Variants in GHRHR observed in about 807,000 individuals in gnomAD.
GHRHR encodes the protein growth hormone releasing hormone receptor, also known as growth hormone-releasing hormone receptor.
A neutral mutation model predicts 58.3 loss-of-function variants in GHRHR; 40 were observed. The observed-to-expected ratio is 0.69, with a 90% confidence interval of 0.53 to 0.89. The LOEUF (loss-of-function observed/expected upper bound fraction) is 0.89. Among genes scored for constraint, GHRHR ranks in the 40% least tolerant of loss-of-function variants. The pLI is 0.00. For synonymous variants in GHRHR, 249 were observed against 216.6 expected, an observed-to-expected ratio of 1.15 and a Z score of -1.31; for missense variants, 551 against 541.3, an observed-to-expected ratio of 1.02 and a Z score of -0.18.
intron 6 of GHRHR, among the ~76,000 whole-genome samples, chr7:30,972,581 G>A (rs914028591): frequency 2.6e-5 from 4 of 152,162 alleles, no homozygotes; most frequent in African/African-American, 9.7e-5. Flanking sequence ...AGCTGTATTG[G>A]CAGCAACAAT....
At chr7:30,969,192 G>A (rs745628562) in intron 3 of GHRHR, 22 bp downstream of exon 3, 18 of 1,428,730 alleles carry the variant, frequency 1.3e-5, no homozygotes, top group Middle Eastern at 1.9e-4. Flanking sequence ...TGGGTGTGGC[G>A]GTGGGAAAGG....
intron 1 of GHRHR, among the ~76,000 whole-genome samples, chr7:30,968,393 G>A (rs1271610279): frequency 6.6e-6 from 1 of 152,078 alleles, no homozygotes; most frequent in Non-Finnish European, 1.5e-5. Context: ...GAAGCATATT[G>A]TCTAATGTGT....
intron 3 of GHRHR, chr7:30,969,646 T>A: frequency 3.2e-6 from 2 of 626,522 alleles, no homozygotes; most frequent in South Asian, 3.8e-5. Flanking sequence ...TAATCCTCTT[T>A]GTGAAGAGAT....
chr7:30,977,679 A>G (rs1037677296), intron 12 of GHRHR, among the ~76,000 whole-genome samples: 1 of 152,156 alleles, frequency 6.6e-6, no homozygotes, highest in South Asian at 2.1e-4. Flanking sequence ...GGGGTACGCC[A>G]GCTGAGGGAG....
At position 30,976,470 on chromosome 7, in the gene GHRHR, G is replaced by A; in HGVS notation, c.1016G>A (p.Gly339Glu). 6.2e-7 allele frequency: 1 copy of A among 1,613,394 alleles called. No homozygotes were observed. Among genetic ancestry groups the A allele is most frequent in the Non-Finnish European group, 8.5e-7 (1 of 1,179,432 alleles). Residue 339 changes from glycine (G) to glutamate (E), a missense_variant, in exon 11 of 13, where the codon GGA (glycine) becomes GAA (glutamate). Coordinates refer to ENST00000326139, the MANE Select transcript of GHRHR (RefSeq NM_000823.4). ...KSTLFLIPLFGIHYIIFNFLP... is the reference protein window; with the variant it reads ...KSTLFLIPLFEIHYIIFNFLP... ...ACACTTTTCCTGATCCCACTCTTTG[G>A]AATTCACTACATCATCTTCAACTTC...
Position 30,979,441 on chromosome 7 carries a change from C to T in GHRHR, c.*197C>T. 1 of 587,046 alleles carries T rather than the reference C, an allele frequency of 1.7e-6. No homozygotes were observed. Among genetic ancestry groups the T allele is most frequent in the South Asian group, 1.7e-5 (1 of 57,426 alleles). 36.4% of individuals were successfully genotyped at this position (587,046 alleles called of 1,614,324 possible). On this transcript the variant is annotated 3_prime_UTR_variant, in exon 13 of 13. Coordinates refer to ENST00000326139, the MANE Select transcript of GHRHR (RefSeq NM_000823.4). ...TATGTCTACCTCTGACTTCTGTGGT[C>T]CCTCTGTGTCTGCTCTCATCCATTC...
chr7:30,969,687 C>T, intron 3 of GHRHR, 180 bp from the exon 4 acceptor site: 1 of 695,586 alleles, frequency 1.4e-6, no homozygotes. Flanking sequence ...AGGAAGGCCC[C>T]ATAGTGTGTC....
chr7:30,966,134 TG>T lies in GHRHR; in HGVS notation c.57+2014del, dbSNP rs927845576. ...ACTTCTCCTGCCAGGGTAGCACTGGTGGGGGTGACCCTCCTTACTGGGCTGG... is the reference window on the plus strand; with the variant it reads ...ACTTCTCCTGCCAGGGTAGCACTGGTGGGGTGACCCTCCTTACTGGGCTGG... On this transcript the variant is annotated intron_variant, in intron 1 of 12. Transcript: ENST00000326139. Among the ~76,000 whole-genome samples, 185 of 152,246 alleles carry T rather than the reference TG, an allele frequency of 1.2e-3. 2 individuals are homozygous for T. Among genetic ancestry groups the T allele is most frequent in the Non-Finnish European group, 3.2e-4 (22 of 67,998 alleles).
chr7:30,967,538 T>C (rs545044821), intron 1 of GHRHR, among the ~76,000 whole-genome samples: 1 of 152,110 alleles, frequency 6.6e-6, no homozygotes, highest in African/African-American at 2.4e-5. Flanking sequence ...AAGCCACACA[T>C]CCATCCTTAC....
intron 7 of GHRHR, 77 bp downstream of exon 7, chr7:30,974,215 C>T (rs1792533049): frequency 2.8e-6 from 4 of 1,422,984 alleles, no homozygotes; most frequent in Middle Eastern, 2.2e-4. Context: ...ATAAAGGCCC[C>T]TCCACCTCAC....
Position 30,965,249 on chromosome 7 carries a change from T to C in GHRHR, c.57+1124T>C, listed in dbSNP as rs558058637. On this transcript the variant is annotated intron_variant, in intron 1 of 12. Coordinates refer to ENST00000326139, the MANE Select transcript of GHRHR (RefSeq NM_000823.4). ...TTTAGCAGGGGTACCCAAGATCTGG[T>C]GGTGGCCATTCAGCAGATGGTGCTA... Among the ~76,000 whole-genome samples, 37 of 152,214 alleles carry C rather than the reference T, an allele frequency of 2.4e-4. 1 individual carries two copies. In the East Asian group the frequency reaches 6.8e-3, roughly 28 times the overall value.
At position 30,975,054 on chromosome 7, in the gene GHRHR, C is replaced by T. The variant is rs1792551232; in HGVS notation, c.882+14C>T. The T allele has an allele frequency of 6.3e-7, 1 of 1,576,840 alleles. No individual in the cohort carries two copies. The highest frequency in any genetic ancestry group is 8.7e-7 in the Non-Finnish European group (1 of 1,145,844). On this transcript the variant is annotated intron_variant, in intron 9 of 12. Coordinates refer to ENST00000326139, the MANE Select transcript of GHRHR (RefSeq NM_000823.4). The stretch of plus-strand genomic sequence containing the variant: ...CTCTCGGTCGGGGTCAGTCCCTGGG[C>T]CAGTGCCCTTTGCTTTATTCAGTCA...
At chr7:30,964,159 C>A (rs925892309) in intron 1 of GHRHR, 34 bp downstream of exon 1, 11 of 1,532,914 alleles carry the variant, frequency 7.2e-6, no homozygotes, top group Non-Finnish European at 8.8e-6. Context: ...TGGCCTCTGC[C>A]ACTGGGCTCC....
intron 9 of GHRHR, among the ~76,000 whole-genome samples, 191 bp downstream of exon 9, chr7:30,975,231 G>A (rs982783624): frequency 6.6e-6 from 1 of 152,174 alleles, no homozygotes; most frequent in African/African-American, 2.4e-5. Context: ...CTAGAGGGGT[G>A]GTGGTCTCCA....
chr7:30,978,687 A>G (rs1792632795), intron 12 of GHRHR, among the ~76,000 whole-genome samples: 1 of 151,930 alleles, frequency 6.6e-6, no homozygotes. Context: ...CTCAACTGCA[A>G]CCCCTCAGAC....
rs201893637 is a variant in GHRHR, at chr7:30,969,102, C to T, written c.200C>T (p.Thr67Met). 104 of 1,581,604 alleles carry T rather than the reference C, an allele frequency of 6.6e-5. No individual in the cohort carries two copies. Among genetic ancestry groups the T allele is most frequent in the Non-Finnish European group, 8.4e-5 (98 of 1,163,686 alleles). Reference protein sequence around the residue: ...ATWDGLLCWPTAGSGEWVTLP... With the variant: ...ATWDGLLCWPMAGSGEWVTLP... ...TGGGATGGGCTGCTGTGCTGGCCAA[C>T]GGCAGGCTCTGGCGAGTGGGTCACC... Residue 67 changes from threonine to methionine, a missense_variant, in exon 3 of 13, where the codon ACG becomes ATG. Physicochemically the swap from Thr to Met is moderately conservative, Grantham distance 81 (BLOSUM62 -1). Transcript: ENST00000326139.
chr7:30,971,171 C>G lies in GHRHR; in HGVS notation c.419C>G (p.Ser140Cys). The G allele has an allele frequency of 6.5e-7, 1 of 1,535,024 alleles. No homozygotes were observed. The change falls in exon 5 of 13, where the codon TCT becomes TGT. Residue 140 changes from serine to cysteine, a missense_variant. Coordinates refer to ENST00000326139, the MANE Select transcript of GHRHR (RefSeq NM_000823.4). ...KIIYTVGHSI[S>C]IVALFVAITI... is the part of the protein sequence containing the mutation. ...ATCTACACCGTGGGCCATAGCATCTCTATTGTAGCCCTCTTCGTGGCCATC... is the reference window on the plus strand; with the variant it reads ...ATCTACACCGTGGGCCATAGCATCTGTATTGTAGCCCTCTTCGTGGCCATC...
At position 30,967,002 on chromosome 7, in the gene GHRHR, C is replaced by T. The variant is rs1272412034; in HGVS notation, c.58-1832C>T. Among the ~76,000 whole-genome samples the T allele has an allele frequency of 3.3e-5, 5 of 152,288 alleles. No homozygotes were observed. The East Asian group carries it at 9.7e-4, about 29-fold the overall frequency. On this transcript the variant is annotated intron_variant, in intron 1 of 12. Transcript: ENST00000326139. ...TATTAGGATCCAGCCCTTCTCCCTT[C>T]CCCAGCCCCTCCTCTCCTGTGAAAG...
At chr7:30,973,945 G>A (rs775080971) in intron 6 of GHRHR, 40 bp from the exon 7 acceptor site, 1 of 1,598,670 alleles carries the variant, frequency 6.3e-7, no homozygotes, top group East Asian at 2.2e-5. Flanking sequence ...GGGCTCCAGT[G>A]GGTGTCCCAG....
Sources: gnomAD v4.1 joint callset for allele counts (sites outside exome capture counted in the v4.1 genomes callset) on GRCh38, gnomAD v4.1.1 for gene constraint, MANE v1.5 for transcripts, NCBI Gene and HGNC (gene_info 2026-07-23, HGNC 2026-07-21) for gene names.